Variants in C9orf57 observed in about 807,000 individuals in gnomAD.
The protein encoded by C9orf57 is chromosome 9 open reading frame 57.
In C9orf57, 12 loss-of-function variants were observed where a neutral mutation model predicts 12.9. The observed-to-expected ratio is 0.93, with a 90% CI of 0.60 to 1.51. C9orf57 has a LOEUF of 1.51. C9orf57 is among the 40% of genes most tolerant of loss of function. The pLI, the probability that C9orf57 is intolerant of heterozygous loss-of-function variation, is 0.00. For synonymous variants in C9orf57, 49 were observed against 57.1 expected, an observed-to-expected ratio of 0.86 and a Z score of 0.64; for missense variants, 141 against 162.8, an observed-to-expected ratio of 0.87 and a Z score of 0.73.
intron 1 of C9orf57, among the ~76,000 whole-genome samples, chr9:72,059,649 C>T (rs1466265416): frequency 5.3e-5 from 8 of 152,034 alleles, no homozygotes; most frequent in Admixed American, 2.6e-4. Flanking sequence ...GGTGAAACCC[C>T]GTCTCTACTA....
In C9orf57 at chr9:72,059,391, A is replaced by G; in HGVS notation, c.-53-7T>C. 2.6e-6 allele frequency: 4 copies of G among 1,551,508 alleles called. No homozygotes were observed. The highest frequency in any genetic ancestry group is 3.5e-6 in the Non-Finnish European group (4 of 1,146,938). ...AGACACGTCCCACTGATTTCTGGGG[A>G]AGCAATAAAGTTACACATTTATGTT... On this transcript the variant is annotated splice_region_variant and splice_polypyrimidine_tract_variant and intron_variant, in intron 1 of 4. Transcript: ENST00000651200.
At chr9:72,055,383 TCCTTC>T in intron 4 of C9orf57, among the ~76,000 whole-genome samples, 1 of 52,932 alleles carries the variant, frequency 1.9e-5, no homozygotes, top group East Asian at 6.4e-4. Flanking sequence ...CCTCCTTCCT[TCCTTC>T]CTTCCTTCCT....
intron 1 of C9orf57, among the ~76,000 whole-genome samples, chr9:72,060,278 C>A (rs1824305966): frequency 6.6e-6 from 1 of 152,190 alleles, no homozygotes; most frequent in Non-Finnish European, 1.5e-5. Flanking sequence ...ATCTCTGGAC[C>A]TCATGATCCA....
intron 2 of C9orf57, 81 bp downstream of exon 2, chr9:72,059,154 C>T (rs1048011509): frequency 9.2e-6 from 14 of 1,517,320 alleles, no homozygotes; most frequent in East Asian, 2.5e-5. Flanking sequence ...GCTGGGATTA[C>T]AGGCGTGAGC....
At position 72,052,033 on chromosome 9, in the gene C9orf57, T is replaced by C. The variant is rs1411814635; in HGVS notation, c.*263A>G. 2.6e-6 allele frequency: 1 copy of C among 382,398 alleles called. No individual in the cohort carries two copies. Among genetic ancestry groups the C allele is most frequent in the African/African-American group, 2.1e-5 (1 of 48,016 alleles). 23.7% of individuals were successfully genotyped at this position (382,398 alleles called of 1,614,324 possible). ...CTAACATTTTTCCTTCTTTGTAGCC[T>C]TGTGGTAGGAAGGTAAATTAAGCAG... On this transcript the variant is annotated 3_prime_UTR_variant, in exon 5 of 5. Transcript: ENST00000651200.
In C9orf57 at chr9:72,052,331, T is replaced by C. The variant is rs1016649874; in HGVS notation, c.385A>G (p.Thr129Ala). ...RILQLHELVTTHCCNHSLCNF is the reference protein window; with the variant it reads ...RILQLHELVTAHCCNHSLCNF ...CACAAAGAATGATTGCAGCAGTGAG[T>C]AGTTACAAGTTCATGCAGTTGCAGA... Residue 129 changes from threonine to alanine, a missense_variant, in exon 5 of 5, where the codon ACT becomes GCT. Physicochemically the swap from Thr to Ala is moderately conservative, Grantham distance 58 (BLOSUM62 0). Transcript: ENST00000651200. 1.3e-6 allele frequency: 2 copies of C among 1,551,610 alleles called. No individual in the cohort carries two copies. Among genetic ancestry groups the C allele is most frequent in the Non-Finnish European group, 1.7e-6 (2 of 1,147,006 alleles).
Position 72,059,244 on chromosome 9 carries a change from G to C in C9orf57, c.88C>G (p.Arg30Gly). The C allele has an allele frequency of 6.4e-7, 1 of 1,551,536 alleles. No homozygotes were observed. Among genetic ancestry groups the C allele is most frequent in the Non-Finnish European group, 8.7e-7 (1 of 1,146,950 alleles). The change falls in exon 2 of 5, where the codon CGC becomes GGC. Residue 30 changes from arginine (R) to glycine (G), a missense_variant. Transcript: ENST00000651200. ...FRLLGVILFG[R>G]LGDLGTCQTK... ...TTTCCTAATGACTTACCACCTAAGC[G>C]GCCGAATAAGATAACACCTAAGAGG...
intron 1 of C9orf57, 81 bp downstream of exon 1, chr9:72,060,416 C>T (rs578009761): frequency 3.6e-5 from 27 of 741,412 alleles, no homozygotes; most frequent in Admixed American, 6.5e-5. Context: ...TGATAGTTAA[C>T]GATAGTTAAT....
intron 1 of C9orf57, among the ~76,000 whole-genome samples, 182 bp downstream of exon 1, chr9:72,060,315 G>A (rs144929617): frequency 0.017 from 2,574 of 152,254 alleles, 68 homozygotes; most frequent in African/African-American, 0.058. Flanking sequence ...AAAGTGCTGG[G>A]ATTACAGGCG....
In C9orf57 at chr9:72,057,751, T is replaced by C. The variant is rs146917745; in HGVS notation, c.98-908A>G. Among the ~76,000 whole-genome samples, 883 of 152,324 alleles carry C rather than the reference T, an allele frequency of 5.8e-3. 6 individuals carry two copies. The highest frequency in any genetic ancestry group is 0.02 in the African/African-American group (832 of 41,570). On this transcript the variant is annotated intron_variant, in intron 2 of 4. Coordinates refer to ENST00000651200, the MANE Select transcript of C9orf57 (RefSeq NM_001128618.2). ...CCACATATTCACTGTTAGGGCTTAA[T>C]TTCAGTGCCTAAGGTAGCATATTAT...
Position 72,054,416 on chromosome 9 carries a change from C to G in C9orf57, c.280+1658G>C, listed in dbSNP as rs1196342999. Among the ~76,000 whole-genome samples the G allele has an allele frequency of 2.0e-5, 3 of 152,140 alleles. No homozygotes were observed. In the East Asian group the frequency reaches 5.8e-4, roughly 29 times the overall value. Reference sequence around the variant, plus strand: ...ATACCAAGAAATAGAATTGCTTTGTCGAAGGCTGTGTTTATTTAAAATTTT... The same window carrying G: ...ATACCAAGAAATAGAATTGCTTTGTGGAAGGCTGTGTTTATTTAAAATTTT... On this transcript the variant is annotated intron_variant, in intron 4 of 4. Coordinates refer to ENST00000651200, the MANE Select transcript of C9orf57 (RefSeq NM_001128618.2).
Position 72,051,523 on chromosome 9 carries a change from T to C in C9orf57, c.*773A>G, listed in dbSNP as rs746224529. 7 of 152,226 alleles carry C rather than the reference T, an allele frequency of 4.6e-5. No homozygotes were observed. Among genetic ancestry groups the C allele is most frequent in the Non-Finnish European group, 5.9e-5 (4 of 68,046 alleles). The allele number at this position is 152,226 out of a possible 1,614,324, so 9.4% of individuals were successfully genotyped here. On this transcript the variant is annotated 3_prime_UTR_variant, in exon 5 of 5. Coordinates refer to ENST00000651200, the MANE Select transcript of C9orf57 (RefSeq NM_001128618.2). ...TAGGGCATTGTAATAGAAGACGTAA[T>C]GATCGCAAAATGGGAAATGTAGTTC... is the stretch of plus-strand genomic sequence containing the variant.
chr9:72,054,575 G>C (rs1216428434), intron 4 of C9orf57, among the ~76,000 whole-genome samples: 1 of 152,058 alleles, frequency 6.6e-6, no homozygotes, highest in Non-Finnish European at 1.5e-5. Context: ...AATCTGATGG[G>C]TTAAAAATAT....
chr9:72,052,798 G>T (rs1367898844), intron 4 of C9orf57, among the ~76,000 whole-genome samples: 1 of 152,150 alleles, frequency 6.6e-6, no homozygotes, highest in East Asian at 1.9e-4. Flanking sequence ...TTATTCAAAG[G>T]GCTGAATGTA....
chr9:72,060,595 C>A lies in C9orf57; in HGVS notation c.-152G>T. 6.6e-7 allele frequency: 1 copy of A among 1,520,398 alleles called. No individual in the cohort carries two copies. The highest frequency in any genetic ancestry group is 8.9e-7 in the Non-Finnish European group (1 of 1,126,334). 94.2% of individuals were successfully genotyped at this position (1,520,398 alleles called of 1,614,324 possible). The stretch of plus-strand genomic sequence containing the variant: ...ATTTGTGATGTGATGAAGTCCGTTA[C>A]AACTGAAAGCGACACTCTGATCCAC... On this transcript the variant is annotated 5_prime_UTR_variant, in exon 1 of 5. Transcript: ENST00000651200.
At chr9:72,056,260 GAAGA>G (rs1824198849) in intron 3 of C9orf57, 64 bp from the exon 4 acceptor site, 2 of 1,358,524 alleles carry the variant, frequency 1.5e-6, no homozygotes, top group Admixed American at 2.5e-5. Context: ...AACGAGGAAG[GAAGA>G]GAGATCAAAA....
intron 2 of C9orf57, among the ~76,000 whole-genome samples, chr9:72,058,141 G>A (rs550863799): frequency 1.3e-3 from 202 of 152,228 alleles, no homozygotes; most frequent in African/African-American, 4.6e-3. Flanking sequence ...TTTGTGAATC[G>A]TTGATGCTTC....
intron 2 of C9orf57, among the ~76,000 whole-genome samples, chr9:72,058,023 C>G (rs754443046): frequency 1.5e-4 from 23 of 152,114 alleles, no homozygotes; most frequent in Non-Finnish European, 2.8e-4. Flanking sequence ...CCAGGGCCCC[C>G]AAAAACCTGA....
chr9:72,058,160 G>A (rs1824246996), intron 2 of C9orf57, among the ~76,000 whole-genome samples: 2 of 152,054 alleles, frequency 1.3e-5, no homozygotes, highest in African/African-American at 4.8e-5. Context: ...TCCAATTCAG[G>A]GATCTTTCTT....
Sources: allele counts gnomAD v4.1 joint callset (sites outside exome capture counted in the v4.1 genomes callset), GRCh38; gene constraint gnomAD v4.1.1; transcripts MANE v1.5; gene names NCBI Gene and HGNC (gene_info 2026-07-23, HGNC 2026-07-21).